SNTG2: variants seen among roughly 807,000 people sequenced by gnomAD.
SNTG2 encodes gamma-2-syntrophin.
SNTG2 carries 74 observed loss-of-function variants against 70.9 expected under a neutral mutation model. The observed-to-expected ratio is 1.04, with a 90% CI of 0.86 to 1.27. The LOEUF is 1.27. SNTG2 is among the 50% of genes most tolerant of loss of function. The probability of loss-of-function intolerance (pLI) is 0.00; values close to 1 mark genes in which losing one functional copy is unlikely to be tolerated. For synonymous variants in SNTG2, 278 were observed against 273.8 expected, an observed-to-expected ratio of 1.02 and a Z score of -0.15; for missense variants, 717 against 690.7, an observed-to-expected ratio of 1.04 and a Z score of -0.43.
intron 14 of SNTG2, among the ~76,000 whole-genome samples, chr2:1,303,910 A>G (rs181402415): frequency 5.3e-5 from 8 of 152,318 alleles, no homozygotes; most frequent in African/African-American, 1.4e-4. Context: ...CAACTCCATC[A>G]CTGTAGAGTC....
At chr2:1,120,215 G>A (rs72490787) in intron 4 of SNTG2, among the ~76,000 whole-genome samples, 18,606 of 151,854 alleles carry the variant, frequency 0.12, 1,317 homozygotes, top group Admixed American at 0.16. Flanking sequence ...ATCAATAATC[G>A]CCTTGAATAT....
At chr2:1,206,440 G>A (rs758536815) in intron 8 of SNTG2, among the ~76,000 whole-genome samples, 12 of 152,196 alleles carry the variant, frequency 7.9e-5, no homozygotes, top group Non-Finnish European at 1.3e-4. Context: ...AGAGGAAGGA[G>A]CTGCAGAGGG....
chr2:1,335,130 C>T (rs563549429), intron 16 of SNTG2, among the ~76,000 whole-genome samples: 5 of 152,278 alleles, frequency 3.3e-5, no homozygotes, highest in African/African-American at 9.6e-5. Context: ...GACCCTAAAG[C>T]GCACTGAGCC....
chr2:1,152,702 C>T (rs554511741), intron 6 of SNTG2, among the ~76,000 whole-genome samples: 4 of 152,244 alleles, frequency 2.6e-5, no homozygotes, highest in South Asian at 2.1e-4. Flanking sequence ...AGCCTTTATC[C>T]GGCAGGTAGA....
chr2:1,084,053 A>T (rs540996330), intron 2 of SNTG2, among the ~76,000 whole-genome samples: 16 of 151,842 alleles, frequency 1.1e-4, no homozygotes, highest in Non-Finnish European at 2.2e-4. Context: ...AAAAAAAAGG[A>T]AAAAAAGAAA....
intron 16 of SNTG2, among the ~76,000 whole-genome samples, chr2:1,325,335 C>A (rs1397586352): frequency 6.6e-6 from 1 of 151,902 alleles, no homozygotes; most frequent in Non-Finnish European, 1.5e-5. Context: ...TATAGTTTAC[C>A]CAATTGCTGT....
At chr2:1,177,004 T>C (rs1285229630) in intron 8 of SNTG2, among the ~76,000 whole-genome samples, 2 of 152,214 alleles carry the variant, frequency 1.3e-5, no homozygotes, top group Non-Finnish European at 2.9e-5. Flanking sequence ...GAATGCAAAT[T>C]ATTCTATTAC....
In SNTG2 at chr2:1,038,459, G is replaced by A. The variant is rs1237649892; in HGVS notation, c.73-45059G>A. ...TCTCAAAGTATTGTGTCATGGACCC[G>A]AGGAAGCTCCGCCTTCCTTGAAGTC... On this transcript the variant is annotated intron_variant, in intron 1 of 16. Coordinates refer to ENST00000308624, the MANE Select transcript of SNTG2 (RefSeq NM_018968.4). 2.0e-5 allele frequency among the ~76,000 whole-genome samples: 3 copies of A among 152,148 alleles called. No individual in the cohort carries two copies. The East Asian group carries it at 5.8e-4, about 29-fold the overall frequency.
intron 16 of SNTG2, chr2:1,341,492 A>G (rs1660084737): frequency 6.6e-6 from 1 of 152,240 alleles, no homozygotes; most frequent in Non-Finnish European, 1.5e-5. Flanking sequence ...TTGGCTGCAG[A>G]CGAAGTCTCC....
chr2:1,304,076 A>G (rs1299561684), intron 14 of SNTG2, among the ~76,000 whole-genome samples: 5 of 152,256 alleles, frequency 3.3e-5, no homozygotes, highest in African/African-American at 4.8e-5. Flanking sequence ...GAAAAAAGGA[A>G]GAGAAACACA....
intron 16 of SNTG2, chr2:1,346,263 A>T (rs1660262364): frequency 6.7e-6 from 1 of 149,016 alleles, no homozygotes; most frequent in Admixed American, 6.6e-5. Flanking sequence ...CCCTGCCGAT[A>T]GGGCCACCCT....
intron 14 of SNTG2, among the ~76,000 whole-genome samples, chr2:1,290,506 G>T (rs71440644): frequency 0.015 from 2,251 of 152,142 alleles, 27 homozygotes; most frequent in East Asian, 0.049. Flanking sequence ...GTAGAGACGG[G>T]GTTTTGCCAT....
At chr2:1,035,738 C>G (rs1050073572) in intron 1 of SNTG2, among the ~76,000 whole-genome samples, 3 of 152,128 alleles carry the variant, frequency 2.0e-5, no homozygotes, top group Non-Finnish European at 4.4e-5. Flanking sequence ...TCATATTTGC[C>G]TACTTTATAT....
intron 1 of SNTG2, among the ~76,000 whole-genome samples, chr2:1,071,247 A>C: frequency 6.6e-6 from 1 of 151,510 alleles, no homozygotes; most frequent in East Asian, 1.9e-4. Flanking sequence ...ACTTGGAACC[A>C]ACCCAAATGT....
chr2:1,060,322 A>G (rs1009894462), intron 1 of SNTG2, among the ~76,000 whole-genome samples: 3 of 152,218 alleles, frequency 2.0e-5, no homozygotes, highest in African/African-American at 7.2e-5. Context: ...ATTGATACCT[A>G]TCTAATGGAT....
In SNTG2 at chr2:1,137,806, AGTG is replaced by A; in HGVS notation, c.411_411+2del. The A allele has an allele frequency of 6.2e-7, 1 of 1,610,772 alleles. No homozygotes were observed. Among genetic ancestry groups the A allele is most frequent in the Non-Finnish European group, 8.5e-7 (1 of 1,177,668 alleles). ...ATGTAGAAAATGCAACTCATGAAGA[AGTG>A]GTAAGTGAATTACATTTTATAGTTA... On this transcript the variant is annotated inframe_deletion and splice_region_variant, in exon 6 of 17. Transcript: ENST00000308624.
At chr2:1,311,176 T>C (rs1680970925) in intron 15 of SNTG2, among the ~76,000 whole-genome samples, 1 of 152,206 alleles carries the variant, frequency 6.6e-6, no homozygotes, top group Non-Finnish European at 1.5e-5. Flanking sequence ...CCACTCTAGG[T>C]CAACTTTGTG....
chr2:1,158,622 T>A (rs185435137), intron 6 of SNTG2: 1 of 152,412 alleles, frequency 6.6e-6, no homozygotes, highest in African/African-American at 2.4e-5. Flanking sequence ...GGAGGTGCAT[T>A]TCACCATGGT....
chr2:1,040,142 G>A (rs982407319), intron 1 of SNTG2, among the ~76,000 whole-genome samples: 4 of 152,016 alleles, frequency 2.6e-5, no homozygotes, highest in African/African-American at 7.3e-5. Context: ...TGCCACTTAC[G>A]CCTGCATCAT....
Sources: gnomAD v4.1 joint callset for allele counts (sites outside exome capture counted in the v4.1 genomes callset) on GRCh38, gnomAD v4.1.1 for gene constraint, MANE v1.5 for transcripts, NCBI Gene and HGNC (gene_info 2026-07-23, HGNC 2026-07-21) for gene names.